SH3RF3: variants seen among roughly 807,000 people sequenced by gnomAD.
The protein encoded by SH3RF3 is E3 ubiquitin-protein ligase SH3RF3.
In SH3RF3, 29 loss-of-function variants were observed where a neutral mutation model predicts 66.3. The observed-to-expected ratio is 0.44, with a 90% confidence interval of 0.33 to 0.60. SH3RF3 has a LOEUF of 0.60. SH3RF3 is among the 20% of genes least tolerant of loss of function. The probability of loss-of-function intolerance (pLI) is 0.04; values close to 1 mark genes in which losing one functional copy is unlikely to be tolerated. For synonymous variants in SH3RF3, 583 were observed against 532.0 expected (o/e 1.10, Z -1.32); for missense variants, 1,194 against 1,190.9 (o/e 1.00, Z -0.04).
chr2:109,447,147 TAAAAAAA>T lies in SH3RF3; in HGVS notation c.1829-2008_1829-2002del, dbSNP rs61240132. ...CAACCCAGCTGAAGCCCTGAATATT[TAAAAAAA>T]AAAAAAAAAAAAAAGAAAAGAAAAA... On this transcript the variant is annotated intron_variant, in intron 7 of 9. Coordinates refer to ENST00000309415, the MANE Select transcript of SH3RF3 (RefSeq NM_001099289.3). Among the ~76,000 whole-genome samples the T allele has an allele frequency of 3.7e-3, 309 of 82,722 alleles. 1 individual carries two copies. The highest frequency in any genetic ancestry group is 0.011 in the African/African-American group (285 of 26,088). The allele number at this position is 82,722 out of a possible 152,430, so 54.3% of individuals were successfully genotyped here.
chr2:109,490,782 T>A lies in SH3RF3; in HGVS notation c.2326T>A (p.Cys776Ser). 5 of 1,536,934 alleles carry A rather than the reference T, an allele frequency of 3.3e-6. No homozygotes were observed. The highest frequency in any genetic ancestry group is 4.4e-6 in the Non-Finnish European group (5 of 1,146,750). Residue 776 changes from cysteine (C) to serine (S), a missense_variant, in exon 9 of 10, where the codon TGC becomes AGC. Cys to Ser is a moderately radical substitution (Grantham distance 112). Coordinates refer to ENST00000309415, the MANE Select transcript of SH3RF3 (RefSeq NM_001099289.3). ...GTCCATCCACGGCAGGGCAGGGTCC[T>A]GCCCCATAGAGAGCGAGATGCAGGG... ...SLSIHGRAGS[C>S]PIESEMQGAM... is the part of the protein sequence containing the mutation.
intron 1 of SH3RF3, among the ~76,000 whole-genome samples, chr2:109,184,711 A>G (rs991009864): frequency 9.9e-5 from 15 of 152,160 alleles, no homozygotes; most frequent in African/African-American, 3.4e-4. Context: ...CAGCCTCTCC[A>G]AGTGCCTCCT....
intron 1 of SH3RF3, among the ~76,000 whole-genome samples, chr2:109,204,036 C>T (rs1205769947): frequency 2.6e-5 from 4 of 152,118 alleles, no homozygotes; most frequent in South Asian, 4.1e-4. Flanking sequence ...ATCTTTGAGA[C>T]GTCAGGAGGC....
intron 1 of SH3RF3, among the ~76,000 whole-genome samples, chr2:109,218,142 T>A (rs1289726327): frequency 1.5e-5 from 2 of 132,014 alleles, no homozygotes; most frequent in Non-Finnish European, 3.0e-5. Flanking sequence ...GTCCTCTCCT[T>A]TTCTGTTCTA....
At chr2:109,173,729 T>C (rs1574487305) in intron 1 of SH3RF3, among the ~76,000 whole-genome samples, 1 of 152,154 alleles carries the variant, frequency 6.6e-6, no homozygotes. Flanking sequence ...GGAGGGGCAG[T>C]GTCTAGGGGG....
intron 9 of SH3RF3, among the ~76,000 whole-genome samples, chr2:109,497,379 C>T (rs918129870): frequency 6.6e-6 from 1 of 152,132 alleles, no homozygotes; most frequent in Non-Finnish European, 1.5e-5. Context: ...GGGAAGCAGA[C>T]GACCCCCAAG....
chr2:109,370,962 T>G lies in SH3RF3; in HGVS notation c.850-624T>G, dbSNP rs373251718. 9.8e-5 allele frequency among the ~76,000 whole-genome samples: 15 copies of G among 152,392 alleles called. No homozygotes were observed. The East Asian group carries it at 1.3e-3, about 14-fold the overall frequency. On this transcript the variant is annotated intron_variant, in intron 2 of 9. Coordinates refer to ENST00000309415, the MANE Select transcript of SH3RF3 (RefSeq NM_001099289.3). ...AATCTTAAAGCCTTTTCTACTTAGCTGAATTTATTTTTATTCCAAATATTT... is the reference window on the plus strand; with the variant it reads ...AATCTTAAAGCCTTTTCTACTTAGCGGAATTTATTTTTATTCCAAATATTT...
At chr2:109,361,086 G>T (rs1683043345) in intron 2 of SH3RF3, among the ~76,000 whole-genome samples, 2 of 152,162 alleles carry the variant, frequency 1.3e-5, no homozygotes, top group South Asian at 4.1e-4. Flanking sequence ...ATATGAGCAT[G>T]TGATTTTTCT....
chr2:109,386,403 G>T (rs1675823542), intron 3 of SH3RF3, among the ~76,000 whole-genome samples: 1 of 151,574 alleles, frequency 6.6e-6, no homozygotes, highest in South Asian at 2.1e-4. Context: ...CGCTATGACT[G>T]TTACAAGAAG....
intron 5 of SH3RF3, among the ~76,000 whole-genome samples, chr2:109,421,419 C>T (rs777687120): frequency 1.3e-5 from 2 of 152,228 alleles, no homozygotes; most frequent in African/African-American, 2.4e-5. Flanking sequence ...GAGCTCAAGG[C>T]TTAGCCACCC....
At position 109,129,911 on chromosome 2, in the gene SH3RF3, G is replaced by A. The variant is rs1676644969; in HGVS notation, c.371G>A (p.Arg124Gln). ...CGACTGCTGGACGGCATCCGTCAGC[G>A]GCCCCGCGCGGGCACCAGCCCCGGC... Reference protein sequence around the residue: ...LVRLLDGIRQRPRAGTSPGGS... With the variant: ...LVRLLDGIRQQPRAGTSPGGS... The change falls in exon 1 of 10, where the codon CGG becomes CAG. Residue 124 changes from arginine (R) to glutamine (Q), a missense_variant. By Grantham distance (43) the Arg-to-Gln change is conservative. Transcript: ENST00000309415. 6.7e-7 allele frequency: 1 copy of A among 1,502,980 alleles called. No homozygotes were observed. Among genetic ancestry groups the A allele is most frequent in the East Asian group, 2.7e-5 (1 of 36,926 alleles). The allele number at this position is 1,502,980 out of a possible 1,614,324, so 93.1% of individuals were successfully genotyped here.
intron 1 of SH3RF3, among the ~76,000 whole-genome samples, chr2:109,152,354 G>A (rs1278985169): frequency 1.3e-5 from 2 of 152,150 alleles, no homozygotes; most frequent in African/African-American, 4.8e-5. Context: ...GGTGCATTTG[G>A]CAAATCCCTC....
intron 8 of SH3RF3, among the ~76,000 whole-genome samples, chr2:109,463,319 A>G (rs747210565): frequency 6.6e-6 from 1 of 152,186 alleles, no homozygotes; most frequent in Non-Finnish European, 1.5e-5. Flanking sequence ...GTCTCACGGT[A>G]TTACCACCTG....
At chr2:109,432,365 C>A in intron 5 of SH3RF3, 136 bp from the exon 6 acceptor site, 1 of 1,128,492 alleles carries the variant, frequency 8.9e-7, no homozygotes, top group Non-Finnish European at 1.2e-6. Context: ...CCTCTGTAAA[C>A]TGCAGAGCCC....
chr2:109,368,375 C>T (rs1683191183), intron 2 of SH3RF3, among the ~76,000 whole-genome samples: 1 of 152,150 alleles, frequency 6.6e-6, no homozygotes, highest in Non-Finnish European at 1.5e-5. Context: ...TCTTCTTGGA[C>T]ATTCAAGTTT....
intron 2 of SH3RF3, among the ~76,000 whole-genome samples, chr2:109,359,510 T>C (rs938826780): frequency 3.3e-5 from 5 of 152,258 alleles, no homozygotes; most frequent in African/African-American, 7.2e-5. Flanking sequence ...TACTTAAGTA[T>C]TTCATTTGTA....
intron 1 of SH3RF3, among the ~76,000 whole-genome samples, chr2:109,313,319 A>G (rs968965317): frequency 6.6e-6 from 1 of 152,238 alleles, no homozygotes; most frequent in Non-Finnish European, 1.5e-5. Flanking sequence ...GGAGGCTGGC[A>G]TCTGTGTTTC....
intron 3 of SH3RF3, among the ~76,000 whole-genome samples, chr2:109,388,818 G>A (rs1284189759): frequency 7.2e-6 from 1 of 138,592 alleles, no homozygotes; most frequent in Non-Finnish European, 1.6e-5. Context: ...GGTTGCTCTG[G>A]GATGTCAGAG....
In SH3RF3 at chr2:109,504,173, AG is replaced by A. The variant is rs1679469809; in HGVS notation, c.*2505del. Reference sequence around the variant, plus strand: ...CTTTCTTCAGGCCATCTTGCCTCAAAGGGTACACATGTTTGGCGGTTAAGAT... The same window carrying A: ...CTTTCTTCAGGCCATCTTGCCTCAAAGGTACACATGTTTGGCGGTTAAGAT... On this transcript the variant is annotated 3_prime_UTR_variant, in exon 10 of 10. Coordinates refer to ENST00000309415, the MANE Select transcript of SH3RF3 (RefSeq NM_001099289.3). 6.6e-6 allele frequency: 1 copy of A among 152,226 alleles called. No individual in the cohort carries two copies. The highest frequency in any genetic ancestry group is 1.5e-5 in the Non-Finnish European group (1 of 68,044). The allele number at this position is 152,226 out of a possible 1,614,324, so 9.4% of individuals were successfully genotyped here.
Sources: allele counts gnomAD v4.1 joint callset (sites outside exome capture counted in the v4.1 genomes callset), GRCh38; gene constraint gnomAD v4.1.1; transcripts MANE v1.5; gene names NCBI Gene and HGNC (gene_info 2026-07-23, HGNC 2026-07-21).